FGD4: variants seen among roughly 807,000 people sequenced by gnomAD.
FGD4 encodes FYVE, RhoGEF and PH domain-containing protein 4.
A neutral mutation model predicts 102.0 loss-of-function variants in FGD4; 42 were observed. The ratio of observed to expected loss-of-function variants is 0.41; its 90% CI spans 0.32 to 0.53. The LOEUF (loss-of-function observed/expected upper bound fraction) is 0.53. Ranked by LOEUF, FGD4 falls within the 20% of genes least tolerant of loss-of-function variation. The pLI is 0.21. For synonymous variants in FGD4, 380 were observed against 375.7 expected (o/e 1.01, Z -0.13); for missense variants, 902 against 1,078.2 (o/e 0.84, Z 2.29).
At chr12:32,518,547 C>T (rs1450558107) in intron 1 of FGD4, among the ~76,000 whole-genome samples, 1 of 152,076 alleles carries the variant, frequency 6.6e-6, no homozygotes, top group African/African-American at 2.4e-5. Flanking sequence ...CATTTTTTTC[C>T]ATCTATGTGT....
At chr12:32,455,763 T>C (rs1942930776) in intron 1 of FGD4, among the ~76,000 whole-genome samples, 1 of 152,108 alleles carries the variant, frequency 6.6e-6, no homozygotes, top group South Asian at 2.1e-4. Context: ...TCAGGAAACT[T>C]AGTCCTCTGT....
At chr12:32,438,115 C>T (rs924239780) in intron 1 of FGD4, among the ~76,000 whole-genome samples, 8 of 152,216 alleles carry the variant, frequency 5.3e-5, no homozygotes, top group African/African-American at 1.9e-4. Context: ...TGGTCTCAAA[C>T]TCTTGACTTC....
rs934164386 is a variant in FGD4, at chr12:32,470,745, C to T, written c.166+70786C>T. Among the ~76,000 whole-genome samples the T allele has an allele frequency of 1.2e-4, 18 of 152,118 alleles. No individual in the cohort carries two copies. In the South Asian group the frequency reaches 1.9e-3, roughly 16 times the overall value. ...CTGGGATTACAGGCGTGAGCCGCTG[C>T]GCCCGGCCTGCTTTGAAGGTTTCCT... On this transcript the variant is annotated intron_variant, in intron 1 of 16. Transcript: ENST00000534526.
intron 1 of FGD4, among the ~76,000 whole-genome samples, chr12:32,458,229 C>T (rs1943000157): frequency 6.6e-6 from 1 of 151,560 alleles, no homozygotes; most frequent in South Asian, 2.1e-4. Context: ...AAGTTCAGTA[C>T]TGTGATCATT....
intron 1 of FGD4, among the ~76,000 whole-genome samples, chr12:32,472,223 T>C (rs1264982468): frequency 2.0e-5 from 3 of 152,204 alleles, no homozygotes; most frequent in Admixed American, 2.0e-4. Flanking sequence ...CCCACTGCAC[T>C]GTGGGAGCCC....
chr12:32,422,282 GAGC>G, intron 1 of FGD4, among the ~76,000 whole-genome samples: 1 of 117,354 alleles, frequency 8.5e-6, no homozygotes, highest in Non-Finnish European at 1.9e-5. Context: ...CTCAAATTGG[GAGC>G]TGCTTTTTTT....
At chr12:32,573,174 G>C (rs886152645) in intron 2 of FGD4, among the ~76,000 whole-genome samples, 6 of 152,044 alleles carry the variant, frequency 3.9e-5, no homozygotes, top group African/African-American at 4.8e-5. Flanking sequence ...CGGCTCACTG[G>C]AAGCTCCGCC....
chr12:32,508,130 G>A (rs1374823082), intron 1 of FGD4, among the ~76,000 whole-genome samples: 3 of 152,132 alleles, frequency 2.0e-5, no homozygotes, highest in South Asian at 2.1e-4. Context: ...GGGGTTCCTC[G>A]GCTGTGCACG....
intron 14 of FGD4, among the ~76,000 whole-genome samples, chr12:32,631,067 T>TC (rs1950474208): frequency 6.6e-6 from 1 of 152,204 alleles, no homozygotes; most frequent in Non-Finnish European, 1.5e-5. Context: ...CTTCATAAAT[T>TC]CCCCTGTTGT....
chr12:32,616,065 A>G (rs1208917454), intron 10 of FGD4, among the ~76,000 whole-genome samples: 1 of 152,200 alleles, frequency 6.6e-6, no homozygotes, highest in African/African-American at 2.4e-5. Context: ...TGCTTAATAC[A>G]TCATTCTAGG....
In FGD4 at chr12:32,506,917, A is replaced by T. The variant is rs984882508; in HGVS notation, c.167-57220A>T. ...TTAAAGAGGGAGTTGAGGGTGGCAA[A>T]CTTTATTTTTATTTATTTTTTATTA... On this transcript the variant is annotated intron_variant, in intron 1 of 16. Coordinates refer to ENST00000534526, the MANE Select transcript of FGD4 (RefSeq NM_001370298.3). This position sits in a 1 kb window ranked among gnomAD's most constrained non-coding sequence, Gnocchi z 4.5. Among the ~76,000 whole-genome samples the T allele has an allele frequency of 2.6e-5, 4 of 152,072 alleles. No individual in the cohort carries two copies. Among genetic ancestry groups the T allele is most frequent in the African/African-American group, 7.2e-5 (3 of 41,386 alleles).
chr12:32,526,382 T>G (rs931234023), intron 1 of FGD4, among the ~76,000 whole-genome samples: 2 of 152,208 alleles, frequency 1.3e-5, no homozygotes, highest in Non-Finnish European at 2.9e-5. Context: ...GCTCAAGGTT[T>G]GTGAATGCAC....
intron 1 of FGD4, among the ~76,000 whole-genome samples, chr12:32,462,162 A>T (rs567708567): frequency 6.6e-6 from 1 of 152,208 alleles, no homozygotes; most frequent in South Asian, 2.1e-4. Flanking sequence ...TCCATTCTTG[A>T]TGTGGCAGCC....
chr12:32,523,637 C>G (rs1174352290), intron 1 of FGD4, among the ~76,000 whole-genome samples: 16 of 152,224 alleles, frequency 1.1e-4, no homozygotes, highest in Non-Finnish European at 1.0e-4. Context: ...GAGAAATAAA[C>G]TTTTATCTGC....
chr12:32,459,041 C>CCTCCTACCAATCCTGA (rs1943025794), intron 1 of FGD4, among the ~76,000 whole-genome samples: 1 of 152,072 alleles, frequency 6.6e-6, no homozygotes, highest in Non-Finnish European at 1.5e-5. Flanking sequence ...AAATTATCAA[C>CCTCCTACCAATCCTGA]AGGAGTGATG....
chr12:32,504,986 C>T (rs1938566135), intron 1 of FGD4, among the ~76,000 whole-genome samples: 1 of 152,164 alleles, frequency 6.6e-6, no homozygotes, highest in South Asian at 2.1e-4. Context: ...TTGAGTCCTT[C>T]AGTTTCTTTG....
At chr12:32,543,598 G>T (rs755839943) in intron 1 of FGD4, among the ~76,000 whole-genome samples, 23 of 152,166 alleles carry the variant, frequency 1.5e-4, no homozygotes, top group Non-Finnish European at 2.6e-4. Context: ...AACAAAAGAT[G>T]CTCCTATTAT....
chr12:32,487,252 C>T (rs1943936830), intron 1 of FGD4, among the ~76,000 whole-genome samples: 1 of 152,052 alleles, frequency 6.6e-6, no homozygotes, highest in Admixed American at 6.6e-5. Context: ...TTTAAGATAA[C>T]AATAATAGCT....
At chr12:32,581,709 C>T (rs1403236304) in intron 3 of FGD4, among the ~76,000 whole-genome samples, 1 of 152,008 alleles carries the variant, frequency 6.6e-6, no homozygotes, top group African/African-American at 2.4e-5. Flanking sequence ...AAATAAACAG[C>T]CCAAGGAAAT....
Sources: gnomAD v4.1 joint callset for allele counts (sites outside exome capture counted in the v4.1 genomes callset) on GRCh38, gnomAD v4.1.1 for gene constraint, Gnocchi (gnomAD v3.1) non-coding constraint, MANE v1.5 for transcripts, NCBI Gene and HGNC (gene_info 2026-07-23, HGNC 2026-07-21) for gene names.